The following ITGB8 variants were observed in gnomAD, a reference collection of about 807,000 sequenced individuals.
ITGB8 encodes integrin beta-8.
In ITGB8, 30 loss-of-function variants were observed where a neutral mutation model predicts 89.5. The observed-to-expected ratio is 0.34, with a 90% CI of 0.25 to 0.45. The LOEUF (loss-of-function observed/expected upper bound fraction) is 0.45, where lower values mean the gene tolerates loss of function less well. ITGB8 is among the 20% of genes least tolerant of loss of function. The pLI is 1.00. For missense variants in ITGB8, 836 were observed against 933.3 expected (o/e 0.90, Z 1.36); for synonymous variants, 335 against 320.4 (o/e 1.05, Z -0.49).
intron 1 of ITGB8, among the ~76,000 whole-genome samples, chr7:20,333,955 A>G (rs1016262530): frequency 6.6e-6 from 1 of 152,220 alleles, no homozygotes; most frequent in South Asian, 2.1e-4. Flanking sequence ...ATAGAAATTT[A>G]GGTATCAGTT....
Position 20,381,779 on chromosome 7 carries a change from A to G in ITGB8, c.854A>G (p.Asp285Gly). The G allele has an allele frequency of 6.2e-7, 1 of 1,613,958 alleles. No individual in the cohort carries two copies. The highest frequency in any genetic ancestry group is 1.1e-5 in the South Asian group (1 of 91,066). ...AAAAGATTGCTGCTGGTGATGACAG[A>G]TCAGACGTCTCATCTCGCTCTTGAT... Reference protein sequence around the residue: ...EAKRLLLVMTDQTSHLALDSK... With the variant: ...EAKRLLLVMTGQTSHLALDSK... Residue 285 changes from aspartate to glycine, a missense_variant, in exon 6 of 14, where the codon GAT becomes GGT. This residue lies in a region of ITGB8 where 192 missense variants were observed against 267.1 expected (regional missense o/e 0.72). Coordinates refer to ENST00000222573, the MANE Select transcript of ITGB8 (RefSeq NM_002214.3).
In ITGB8 at chr7:20,361,946, G is replaced by A. The variant is rs148053032; in HGVS notation, c.128-1691G>A. Among the ~76,000 whole-genome samples, 18 of 152,292 alleles carry A rather than the reference G, an allele frequency of 1.2e-4. No homozygotes were observed. In the East Asian group the frequency reaches 2.7e-3, roughly 23 times the overall value. On this transcript the variant is annotated intron_variant, in intron 1 of 13. Transcript: ENST00000222573. Reference sequence around the variant, plus strand: ...AAGTTTTGGACAATGTATACACAAAGTTGATATAAAGTGAAGGACAAGGCA... The same window carrying A: ...AAGTTTTGGACAATGTATACACAAAATTGATATAAAGTGAAGGACAAGGCA...
At position 20,367,118 on chromosome 7, in the gene ITGB8, T is replaced by A. The variant is rs2127947244; in HGVS notation, c.320T>A (p.Ile107Lys). Residue 107 changes from isoleucine (I) to lysine (K), a missense_variant, in exon 3 of 14, where the codon ATA (isoleucine) becomes AAA (lysine). By Grantham distance (102) the Ile-to-Lys change is moderately radical. Coordinates refer to ENST00000222573, the MANE Select transcript of ITGB8 (RefSeq NM_002214.3). ...DSIEYPSVHV[I>K]IPTENEINTQ... ...ATAGAATACCCATCTGTGCATGTTA[T>A]AATACCCACTGAAAATGAAATTAAT... is the stretch of plus-strand genomic sequence containing the variant. 6.2e-7 allele frequency: 1 copy of A among 1,611,972 alleles called. No homozygotes were observed. The highest frequency in any genetic ancestry group is 1.1e-5 in the South Asian group (1 of 91,002).
At chr7:20,379,815 A>T (rs1290437932) in intron 4 of ITGB8, 3 of 152,216 alleles carry the variant, frequency 2.0e-5, no homozygotes, top group Non-Finnish European at 4.4e-5. Context: ...AAAAGATGAG[A>T]ATTTGATTGC....
chr7:20,366,986 T>C (rs1242413112), intron 2 of ITGB8, 26 bp from the exon 3 acceptor site: 1 of 1,555,678 alleles, frequency 6.4e-7, no homozygotes. Context: ...ACTAAAAACA[T>C]CAGTGATTTT....
chr7:20,339,736 G>T (rs1418424162), intron 1 of ITGB8, among the ~76,000 whole-genome samples: 1 of 152,066 alleles, frequency 6.6e-6, no homozygotes. Flanking sequence ...AGTACTAAAA[G>T]TTCATTTTAG....
intron 1 of ITGB8, among the ~76,000 whole-genome samples, chr7:20,358,378 C>G (rs964474404): frequency 1.2e-4 from 19 of 152,158 alleles, no homozygotes; most frequent in African/African-American, 4.6e-4. Context: ...ACCAATTTTT[C>G]TCAGATTTCC....
chr7:20,332,195 A>C (rs1250042439), intron 1 of ITGB8, among the ~76,000 whole-genome samples: 1 of 152,152 alleles, frequency 6.6e-6, no homozygotes, highest in Non-Finnish European at 1.5e-5. Context: ...GCCCTAATAG[A>C]AAGGAATTTT....
chr7:20,381,947 G>C, intron 6 of ITGB8, 62 bp downstream of exon 6: 2 of 1,389,854 alleles, frequency 1.4e-6, no homozygotes, highest in Non-Finnish European at 2.0e-6. Context: ...ATTTTAAATT[G>C]GCAACTCAAC....
At chr7:20,380,626 A>G in intron 4 of ITGB8, 40 bp from the exon 5 acceptor site, 1 of 1,552,620 alleles carries the variant, frequency 6.4e-7, no homozygotes, top group Non-Finnish European at 8.9e-7. Flanking sequence ...ATGCTTAAGA[A>G]GAGCAAAATA....
intron 3 of ITGB8, among the ~76,000 whole-genome samples, chr7:20,377,056 G>T (rs1786179263): frequency 6.6e-6 from 1 of 152,152 alleles, no homozygotes; most frequent in African/African-American, 2.4e-5. Context: ...GAGGGCCCTT[G>T]TGTGGCTAGC....
rs545062004 is a variant in ITGB8, at chr7:20,415,226, C to T, written c.*5229C>T. The T allele has an allele frequency of 6.6e-6, 1 of 152,166 alleles. No homozygotes were observed. The highest frequency in any genetic ancestry group is 2.1e-4 in the South Asian group (1 of 4,816). 9.4% of individuals were successfully genotyped at this position (152,166 alleles called of 1,614,324 possible). On this transcript the variant is annotated 3_prime_UTR_variant, in exon 14 of 14. Transcript: ENST00000222573. Reference sequence around the variant, plus strand: ...AGAAATTCATTTTGTGTATATTTAACATAGCTTTTAAACTATTTTACATTA... The same window carrying T: ...AGAAATTCATTTTGTGTATATTTAATATAGCTTTTAAACTATTTTACATTA...
chr7:20,352,456 A>G (rs1023930115), intron 1 of ITGB8: 2 of 152,234 alleles, frequency 1.3e-5, no homozygotes, highest in Non-Finnish European at 2.9e-5. Flanking sequence ...AGGAAATAAT[A>G]TGGACTGAAA....
In ITGB8 at chr7:20,379,079, T is replaced by A; in HGVS notation, c.417T>A (p.Val139=). 6.3e-7 allele frequency: 1 copy of A among 1,592,718 alleles called. No homozygotes were observed. ...CCGAAGCTAATTTTATGCTGAAAGT[T>A]CATCCTCTGAAGAAATATCCTGTGG... is the stretch of plus-strand genomic sequence containing the variant. ...PGAEANFMLK[V]HPLKKYPVDL... The change falls in exon 4 of 14, where the codon GTT becomes GTA. Residue 139 remains valine, a synonymous_variant. Coordinates refer to ENST00000222573, the MANE Select transcript of ITGB8 (RefSeq NM_002214.3).
chr7:20,339,127 G>A (rs1388160737), intron 1 of ITGB8, among the ~76,000 whole-genome samples: 1 of 149,890 alleles, frequency 6.7e-6, no homozygotes. Context: ...ATGAGATGGA[G>A]GTTGCAGTGA....
intron 1 of ITGB8, among the ~76,000 whole-genome samples, chr7:20,336,696 G>C (rs1467201035): frequency 1.3e-5 from 2 of 152,120 alleles, no homozygotes; most frequent in African/African-American, 4.8e-5. Context: ...CTTTCCCCTA[G>C]CTCCCCATTG....
At chr7:20,350,147 T>G (rs911575695) in intron 1 of ITGB8, among the ~76,000 whole-genome samples, 44 of 152,162 alleles carry the variant, frequency 2.9e-4, no homozygotes, top group African/African-American at 1.0e-3. Flanking sequence ...TTGAAGTTGT[T>G]GTTGTTGTTG....
intron 7 of ITGB8, among the ~76,000 whole-genome samples, chr7:20,393,836 A>G (rs1786962510): frequency 6.6e-6 from 1 of 152,196 alleles, no homozygotes; most frequent in African/African-American, 2.4e-5. Flanking sequence ...CTCCTCCAGA[A>G]AACAGTCCTT....
At chr7:20,349,477 CTGCCGAGAGT>C (rs775603676) in intron 1 of ITGB8, among the ~76,000 whole-genome samples, 65 of 151,866 alleles carry the variant, frequency 4.3e-4, no homozygotes, top group Non-Finnish European at 6.6e-4. Context: ...ATTTCTTAGG[CTGCCGAGAGT>C]TGGCAAGAAA....
Sources: gnomAD v4.1 joint callset for allele counts (sites outside exome capture counted in the v4.1 genomes callset) on GRCh38, gnomAD v4.1.1 for gene constraint, gnomAD v4.1.1 regional missense constraint, MANE v1.5 for transcripts, NCBI Gene and HGNC (gene_info 2026-07-23, HGNC 2026-07-21) for gene names.